Variants in STK33 observed in about 807,000 individuals in gnomAD.
STK33 encodes the protein serine/threonine kinase 33, also known as serine/threonine-protein kinase 33.
Under a neutral mutation model 58.0 loss-of-function variants are expected in STK33, and 52 were observed. The ratio of observed to expected loss-of-function variants is 0.90; its 90% confidence interval spans 0.72 to 1.13. STK33 has a LOEUF of 1.13. STK33 is among the 50% of genes most tolerant of loss of function. The probability of loss-of-function intolerance (pLI) is 0.00; values close to 1 mark genes in which losing one functional copy is unlikely to be tolerated. For synonymous variants in STK33, 215 were observed against 200.1 expected (o/e 1.07, Z -0.63); for missense variants, 630 against 604.2 (o/e 1.04, Z -0.45).
In STK33 at chr11:8,531,323, C is replaced by T. The variant is rs367993623; in HGVS notation, c.-465-50709G>A. Among the ~76,000 whole-genome samples, 601 of 152,228 alleles carry T rather than the reference C, an allele frequency of 3.9e-3. 3 individuals are homozygous for T. Among genetic ancestry groups the T allele is most frequent in the African/African-American group, 0.013 (553 of 41,520 alleles). On this transcript the variant is annotated intron_variant, in intron 1 of 15. Coordinates refer to ENST00000687296, the MANE Select transcript of STK33 (RefSeq NM_001352389.2). ...TAAGACAATAGTACTTGCAATTTTG[C>T]GTGCTATTTACAAATGCTGCATAAC...
At chr11:8,461,694 CA>C (rs1947538707) in intron 8 of STK33, 110 bp downstream of exon 8, 1 of 699,586 alleles carries the variant, frequency 1.4e-6, no homozygotes, top group East Asian at 3.2e-5. Context: ...GTGACAGACT[CA>C]TGGCCAAGGA....
intron 15 of STK33, 77 bp downstream of exon 15, chr11:8,413,418 A>G: frequency 6.7e-7 from 1 of 1,487,132 alleles, no homozygotes; most frequent in Non-Finnish European, 9.2e-7. Context: ...ACAAAAAGAC[A>G]GATTTGCAAA....
intron 1 of STK33, among the ~76,000 whole-genome samples, chr11:8,510,488 G>A (rs1354709254): frequency 6.6e-6 from 1 of 151,832 alleles, no homozygotes; most frequent in Non-Finnish European, 1.5e-5. Context: ...TTGGTAGTGT[G>A]GAAGCTTTTT....
At chr11:8,513,277 T>G (rs980424268) in intron 1 of STK33, among the ~76,000 whole-genome samples, 1 of 152,146 alleles carries the variant, frequency 6.6e-6, no homozygotes, top group Non-Finnish European at 1.5e-5. Context: ...CTCACTTCTT[T>G]TTCCTCATCA....
At chr11:8,346,536 A>G in the STK33 span, among the ~76,000 whole-genome samples, 1 of 152,158 alleles carries the variant, frequency 6.6e-6, no homozygotes, top group Admixed American at 6.5e-5. Flanking sequence ...TGGTGCTCTG[A>G]GATAGAGCCC....
intron 11 of STK33, among the ~76,000 whole-genome samples, chr11:8,446,421 T>G (rs1945472003): frequency 6.6e-6 from 1 of 152,174 alleles, no homozygotes; most frequent in South Asian, 2.1e-4. Flanking sequence ...TCTGCTAGCT[T>G]TTGAATGTTT....
chr11:8,530,819 T>A (rs543833785), intron 1 of STK33, among the ~76,000 whole-genome samples: 1 of 152,310 alleles, frequency 6.6e-6, no homozygotes, highest in South Asian at 2.1e-4. Context: ...CCTCTCTGAG[T>A]TGCTGGGACC....
At chr11:8,449,386 A>C (rs1207885752) in intron 11 of STK33, among the ~76,000 whole-genome samples, 2 of 151,672 alleles carry the variant, frequency 1.3e-5, no homozygotes, top group Non-Finnish European at 2.9e-5. Flanking sequence ...ACCAACCCAA[A>C]TGTCCAACAA....
chr11:8,450,183 A>G (rs1047538913), intron 11 of STK33, among the ~76,000 whole-genome samples: 4 of 152,156 alleles, frequency 2.6e-5, no homozygotes, highest in Non-Finnish European at 5.9e-5. Flanking sequence ...TAGACTGGAT[A>G]AAGAAAATGT....
intron 8 of STK33, among the ~76,000 whole-genome samples, chr11:8,460,347 C>T (rs772310878): frequency 1.3e-5 from 2 of 151,564 alleles, no homozygotes; most frequent in East Asian, 1.9e-4. Context: ...TCAAGAAGAC[C>T]GAGCGTGTTA....
At chr11:8,347,935 C>G in the STK33 span, among the ~76,000 whole-genome samples, 1 of 152,238 alleles carries the variant, frequency 6.6e-6, no homozygotes, top group Admixed American at 6.5e-5. Flanking sequence ...TTCTAAACCA[C>G]TGCCTGGATG....
At chr11:8,457,877 C>T (rs1947065744) in intron 8 of STK33, among the ~76,000 whole-genome samples, 1 of 152,080 alleles carries the variant, frequency 6.6e-6, no homozygotes, top group African/African-American at 2.4e-5. Context: ...TACAAAGACT[C>T]CAAAGCTTGA....
chr11:8,445,078 T>C (rs1396222929), intron 11 of STK33, among the ~76,000 whole-genome samples: 3 of 152,224 alleles, frequency 2.0e-5, no homozygotes, highest in African/African-American at 4.8e-5. Context: ...TGGTTTGTAG[T>C]TCTCCTTGAA....
At chr11:8,525,641 C>T (rs1256920204) in intron 1 of STK33, among the ~76,000 whole-genome samples, 1 of 152,018 alleles carries the variant, frequency 6.6e-6, no homozygotes, top group East Asian at 1.9e-4. Context: ...AATAAAGCTT[C>T]CAAAAGAAAA....
At chr11:8,462,228 C>T (rs922483921) in intron 7 of STK33, among the ~76,000 whole-genome samples, 1 of 151,938 alleles carries the variant, frequency 6.6e-6, no homozygotes, top group African/African-American at 2.4e-5. Context: ...ATGAAAATTA[C>T]TCCAACTTTT....
At chr11:8,568,578 G>C (rs1453153928) in intron 1 of STK33, among the ~76,000 whole-genome samples, 1 of 152,134 alleles carries the variant, frequency 6.6e-6, no homozygotes, top group African/African-American at 2.4e-5. Flanking sequence ...GCAAAAATTA[G>C]ACGTTTGAAG....
intron 6 of STK33, among the ~76,000 whole-genome samples, chr11:8,468,725 G>C (rs1419333047): frequency 1.3e-5 from 2 of 151,868 alleles, no homozygotes; most frequent in Admixed American, 6.6e-5. Flanking sequence ...TAGAATTAAA[G>C]TCAGAAAACT....
At chr11:8,511,219 A>G (rs1371175306) in intron 1 of STK33, among the ~76,000 whole-genome samples, 2 of 152,068 alleles carry the variant, frequency 1.3e-5, no homozygotes, top group Non-Finnish European at 2.9e-5. Flanking sequence ...TTGGTTAAGC[A>G]TATTCCTAAT....
At chr11:8,440,125 A>G (rs1591068719) in intron 12 of STK33, among the ~76,000 whole-genome samples, 2 of 152,034 alleles carry the variant, frequency 1.3e-5, no homozygotes, top group African/African-American at 4.8e-5. Flanking sequence ...AAAAATGAGC[A>G]GGACATGGAG....
Sources: gnomAD v4.1 joint callset for allele counts (sites outside exome capture counted in the v4.1 genomes callset) on GRCh38, gnomAD v4.1.1 for gene constraint, MANE v1.5 for transcripts, NCBI Gene and HGNC (gene_info 2026-07-23, HGNC 2026-07-21) for gene names.